BLMH: variants seen among roughly 807,000 people sequenced by gnomAD.
The protein encoded by BLMH is bleomycin hydrolase.
Under a neutral mutation model 61.6 loss-of-function variants are expected in BLMH, and 32 were observed. That is an observed-to-expected ratio of 0.52 (90% CI 0.39 to 0.70). The LOEUF (loss-of-function observed/expected upper bound fraction) is 0.70. Among genes scored for constraint, BLMH ranks in the 30% least tolerant of loss-of-function variants. BLMH has a pLI of 0.00. For missense variants in BLMH, 460 were observed against 555.5 expected (o/e 0.83, Z 1.73); for synonymous variants, 183 against 193.8 (o/e 0.94, Z 0.46).
At chr17:30,291,742 G>A in intron 1 of BLMH, 65 bp downstream of exon 1, 1 of 1,421,946 alleles carries the variant, frequency 7.0e-7, no homozygotes, top group Non-Finnish European at 9.2e-7. Context: ...CTTCCCCGCC[G>A]CCGGGCCTCA....
At chr17:30,255,511 T>C (rs1907788496) in intron 11 of BLMH, among the ~76,000 whole-genome samples, 2 of 152,252 alleles carry the variant, frequency 1.3e-5, no homozygotes, top group Admixed American at 1.3e-4. Context: ...TCTTCTTGGA[T>C]CCAATTTGAG....
intron 7 of BLMH, 123 bp from the exon 8 acceptor site, chr17:30,273,022 A>G (rs546199122): frequency 1.9e-6 from 2 of 1,066,050 alleles, no homozygotes; most frequent in African/African-American, 1.6e-5. Flanking sequence ...TAAGTACTAC[A>G]GCCACATTGT....
In BLMH at chr17:30,260,364, T is replaced by C. The variant is rs569045458; in HGVS notation, c.1216+6521A>G. Among the ~76,000 whole-genome samples, 440 of 152,340 alleles carry C rather than the reference T, an allele frequency of 2.9e-3. 2 individuals are homozygous for C. Among genetic ancestry groups the C allele is most frequent in the Non-Finnish European group, 3.4e-3 (233 of 68,032 alleles). On this transcript the variant is annotated intron_variant, in intron 11 of 11. Coordinates refer to ENST00000261714, the MANE Select transcript of BLMH (RefSeq NM_000386.4). Reference sequence around the variant, plus strand: ...TATACACAAAACTCTACATTCAATATGAGGAGATTTCTCCCTGAAGCAGAT... The same window carrying C: ...TATACACAAAACTCTACATTCAATACGAGGAGATTTCTCCCTGAAGCAGAT...
Position 30,291,414 on chromosome 17 carries a change from C to G in BLMH, c.108G>C (p.Leu36=). The change falls in exon 2 of 12, where the codon CTG becomes CTC. Residue 36 remains leucine, a synonymous_variant. Coordinates refer to ENST00000261714, the MANE Select transcript of BLMH (RefSeq NM_000386.4). ...TGGCCCGCTTCAGACAGATGTCCAG[C>G]AGGTCGTGGGTGGTCCCGACATTCT... ...LAQNVGTTHD[L]LDICLKRATV... 6.2e-7 allele frequency: 1 copy of G among 1,614,190 alleles called. No homozygotes were observed. Among genetic ancestry groups the G allele is most frequent in the Non-Finnish European group, 8.5e-7 (1 of 1,180,038 alleles).
Position 30,291,753 on chromosome 17 carries a change from C to G in BLMH, c.13+54G>C. Reference sequence around the variant, plus strand: ...CGGCCTTCCCCGCCGCCGGGCCTCACGGGGACCGCGGAGCTCCTCCAGAGG... The same window carrying G: ...CGGCCTTCCCCGCCGCCGGGCCTCAGGGGGACCGCGGAGCTCCTCCAGAGG... On this transcript the variant is annotated intron_variant, in intron 1 of 11. Coordinates refer to ENST00000261714, the MANE Select transcript of BLMH (RefSeq NM_000386.4). 7 of 1,422,522 alleles carry G rather than the reference C, an allele frequency of 4.9e-6. No homozygotes were observed. The South Asian group carries it at 9.2e-5, about 19-fold the overall frequency. The allele number at this position is 1,422,522 out of a possible 1,614,324, so 88.1% of individuals were successfully genotyped here.
chr17:30,260,031 T>C (rs1007681543), intron 11 of BLMH, among the ~76,000 whole-genome samples: 3 of 152,146 alleles, frequency 2.0e-5, no homozygotes, highest in Admixed American at 2.0e-4. Flanking sequence ...ATAGATAACA[T>C]TAACAACAGT....
intron 10 of BLMH, among the ~76,000 whole-genome samples, chr17:30,268,881 A>AC (rs929503125): frequency 2.1e-5 from 3 of 144,406 alleles, no homozygotes; most frequent in Admixed American, 6.9e-5. Flanking sequence ...TACTAAAAAT[A>AC]CAAAAAAAAA....
intron 9 of BLMH, 133 bp downstream of exon 9, chr17:30,272,428 G>T: frequency 1.1e-6 from 1 of 937,044 alleles, no homozygotes; most frequent in Non-Finnish European, 1.7e-6. Flanking sequence ...TCTAAAGGAT[G>T]CAAAGAAAGA....
chr17:30,272,860 T>G lies in BLMH; in HGVS notation c.841A>C (p.Asn281His). Reference protein sequence around the residue: ...VNDPRPQHKYNKLYTVEYLSN... With the variant: ...VNDPRPQHKYHKLYTVEYLSN... ...AAGTATTCCACTGTGTAAAGTTTGT[T>G]GTACTTGTGCTGGGGCCTAGGGTCA... The change falls in exon 8 of 12, where the codon AAC becomes CAC. Residue 281 changes from asparagine (N) to histidine (H), a missense_variant. Coordinates refer to ENST00000261714, the MANE Select transcript of BLMH (RefSeq NM_000386.4). 6.2e-7 allele frequency: 1 copy of G among 1,614,162 alleles called. No individual in the cohort carries two copies. Among genetic ancestry groups the G allele is most frequent in the Non-Finnish European group, 8.5e-7 (1 of 1,180,016 alleles).
chr17:30,272,485 G>T, intron 9 of BLMH, 76 bp downstream of exon 9: 1 of 1,531,126 alleles, frequency 6.5e-7, no homozygotes, highest in Non-Finnish European at 9.0e-7. Flanking sequence ...CCTCGGCAGA[G>T]TCATTTTGTA....
chr17:30,276,984 T>C (rs879296617), intron 6 of BLMH, among the ~76,000 whole-genome samples: 21 of 152,242 alleles, frequency 1.4e-4, no homozygotes, highest in Non-Finnish European at 2.5e-4. Context: ...TGGCTTCCTT[T>C]GGCTGACATA....
At chr17:30,278,541 C>T (rs936799541) in intron 6 of BLMH, among the ~76,000 whole-genome samples, 1 of 152,176 alleles carries the variant, frequency 6.6e-6, no homozygotes, top group Non-Finnish European at 1.5e-5. Flanking sequence ...TACACTTTGT[C>T]TTTCCCTACT....
intron 6 of BLMH, among the ~76,000 whole-genome samples, chr17:30,276,480 A>G (rs1189689458): frequency 7.8e-6 from 1 of 128,258 alleles, no homozygotes; most frequent in Non-Finnish European, 1.6e-5. Flanking sequence ...CTTCTTAAAG[A>G]TAAGAACCAG....
chr17:30,283,176 C>A (rs778564700), intron 6 of BLMH, among the ~76,000 whole-genome samples: 51 of 152,108 alleles, frequency 3.4e-4, no homozygotes, highest in Non-Finnish European at 3.5e-4. Context: ...GGGGAAAAAA[C>A]CCTTACACAC....
At chr17:30,290,771 G>A (rs1180523823) in intron 2 of BLMH, among the ~76,000 whole-genome samples, 5 of 152,192 alleles carry the variant, frequency 3.3e-5, no homozygotes, top group Admixed American at 2.0e-4. Context: ...GACCAGCAAG[G>A]CATGAGAACA....
chr17:30,291,938 G>A lies in BLMH; in HGVS notation c.-119C>T, dbSNP rs1404739448. 5 of 1,161,902 alleles carry A rather than the reference G, an allele frequency of 4.3e-6. No homozygotes were observed. The highest frequency in any genetic ancestry group is 5.5e-6 in the Non-Finnish European group (5 of 905,618). The allele number at this position is 1,161,902 out of a possible 1,614,324, so 72.0% of individuals were successfully genotyped here. ...CCTGTCTCTCGCACCCGGAGCGCCGGAAAAAGGAAACCGGCTCGGCGGCGG... is the reference window on the plus strand; with the variant it reads ...CCTGTCTCTCGCACCCGGAGCGCCGAAAAAAGGAAACCGGCTCGGCGGCGG... On this transcript the variant is annotated 5_prime_UTR_variant, in exon 1 of 12. Coordinates refer to ENST00000261714, the MANE Select transcript of BLMH (RefSeq NM_000386.4).
chr17:30,273,743 T>C (rs1908343889), intron 7 of BLMH: 1 of 391,890 alleles, frequency 2.6e-6, no homozygotes, highest in African/African-American at 2.1e-5. Flanking sequence ...CAACACACTT[T>C]CATTGTTTTG....
rs1908197777 is a variant in BLMH, at chr17:30,269,200, CAG to C, written c.1146+2069_1146+2070del. 3.9e-5 allele frequency among the ~76,000 whole-genome samples: 5 copies of C among 126,772 alleles called. No individual in the cohort carries two copies. In the South Asian group the frequency reaches 1.3e-3, roughly 32 times the overall value. The allele number at this position is 126,772 out of a possible 152,430, so 83.2% of individuals were successfully genotyped here. A position where few individuals can be genotyped will look rare whatever the true frequency, so the allele number is the denominator to read the frequency against. On this transcript the variant is annotated intron_variant, in intron 10 of 11. Coordinates refer to ENST00000261714, the MANE Select transcript of BLMH (RefSeq NM_000386.4). ...TTATTGTTTTTTTTTTTTTTTGAGACAGAGTCTTGCTCTGTCACCCAGGCTGG... is the reference window on the plus strand; with the variant it reads ...TTATTGTTTTTTTTTTTTTTTGAGACAGTCTTGCTCTGTCACCCAGGCTGG...
chr17:30,265,556 A>G (rs1010142533), intron 11 of BLMH, among the ~76,000 whole-genome samples: 2 of 152,192 alleles, frequency 1.3e-5, no homozygotes, highest in African/African-American at 4.8e-5. Context: ...TTTAAAAATA[A>G]AATGCCTGGC....
Sources: allele counts gnomAD v4.1 joint callset (sites outside exome capture counted in the v4.1 genomes callset), GRCh38; gene constraint gnomAD v4.1.1; transcripts MANE v1.5; gene names NCBI Gene and HGNC (gene_info 2026-07-23, HGNC 2026-07-21).